The following CEP68 variants were observed in gnomAD, a reference collection of about 807,000 sequenced individuals.
The protein encoded by CEP68 is centrosomal protein 68, also known as centrosomal protein of 68 kDa.
A neutral mutation model predicts 55.3 loss-of-function variants in CEP68; 26 were observed. The ratio of observed to expected loss-of-function variants is 0.47; its 90% CI spans 0.34 to 0.65. The LOEUF (loss-of-function observed/expected upper bound fraction) is 0.65. Ranked by LOEUF, CEP68 falls within the 30% of genes least tolerant of loss-of-function variation. The pLI, the probability that CEP68 is intolerant of heterozygous loss-of-function variation, is 0.01. For synonymous variants in CEP68, 402 were observed against 383.2 expected, an observed-to-expected ratio of 1.05 and a Z score of -0.57; for missense variants, 957 against 946.7, an observed-to-expected ratio of 1.01 and a Z score of -0.14.
At chr2:65,069,320 CTTAA>C (rs1321642440) in intron 1 of CEP68, 75 bp from the exon 2 acceptor site, 1 of 768,474 alleles carries the variant, frequency 1.3e-6, no homozygotes, top group East Asian at 2.6e-5. Context: ...ATATGTTTGC[CTTAA>C]TTGTTAAAGA....
intron 5 of CEP68, chr2:65,080,420 C>T (rs534760260): frequency 4.4e-5 from 43 of 985,260 alleles, no homozygotes; most frequent in Middle Eastern, 5.2e-4. Context: ...CCGCCAGGAG[C>T]ATGCTGTCAA....
Position 65,074,308 on chromosome 2 carries a change from G to C in CEP68, c.1911G>C (p.Leu637=), listed in dbSNP as rs763725759. The change falls in exon 4 of 7, where the codon CTG becomes CTC. Residue 637 remains leucine, a synonymous_variant. Coordinates refer to ENST00000377990, the MANE Select transcript of CEP68 (RefSeq NM_015147.3). ...CATTTTGCTGTCAGCTGGAAGAGCTGATCTGCTGGCTGTATAATGTTGCAG... is the reference window on the plus strand; with the variant it reads ...CATTTTGCTGTCAGCTGGAAGAGCTCATCTGCTGGCTGTATAATGTTGCAG... ...VKTFCCQLEE[L]ICWLYNVADV... is the part of the protein sequence containing the mutation. 2.5e-6 allele frequency: 4 copies of C among 1,614,212 alleles called. No homozygotes were observed. Among genetic ancestry groups the C allele is most frequent in the Non-Finnish European group, 3.4e-6 (4 of 1,180,028 alleles).
intron 1 of CEP68, among the ~76,000 whole-genome samples, chr2:65,067,528 G>C (rs1317958265): frequency 6.6e-6 from 1 of 152,106 alleles, no homozygotes; most frequent in African/African-American, 2.4e-5. Context: ...TTAAAAATGG[G>C]CTGCTTTTTC....
chr2:65,064,461 G>A (rs1458837519), intron 1 of CEP68, among the ~76,000 whole-genome samples: 3 of 152,134 alleles, frequency 2.0e-5, no homozygotes, highest in Non-Finnish European at 4.4e-5. Context: ...GAGGCCGGGC[G>A]TGGTGGCTCA....
chr2:65,071,342 G>C, intron 2 of CEP68, 112 bp from the exon 3 acceptor site: 2 of 868,574 alleles, frequency 2.3e-6, no homozygotes, highest in South Asian at 3.5e-5. Context: ...TGCATTTTAA[G>C]GTCTTTCCTA....
chr2:65,083,385 C>T (rs945568584), intron 6 of CEP68, among the ~76,000 whole-genome samples: 5 of 152,240 alleles, frequency 3.3e-5, no homozygotes, highest in Non-Finnish European at 7.3e-5. Context: ...CACAGAGTTG[C>T]TACTGCCAAT....
chr2:65,075,627 A>G (rs1207271622), intron 4 of CEP68, among the ~76,000 whole-genome samples: 3 of 152,158 alleles, frequency 2.0e-5, no homozygotes, highest in Admixed American at 6.6e-5. Context: ...CCTGAATTGG[A>G]GGATAAATTA....
At chr2:65,075,504 A>C (rs1309622794) in intron 4 of CEP68, among the ~76,000 whole-genome samples, 2 of 152,166 alleles carry the variant, frequency 1.3e-5, no homozygotes, top group Admixed American at 1.3e-4. Flanking sequence ...TGTTATTTTG[A>C]AAATACTAAT....
intron 1 of CEP68, among the ~76,000 whole-genome samples, chr2:65,068,435 G>A (rs1676299790): frequency 6.6e-6 from 1 of 152,174 alleles, no homozygotes; most frequent in Non-Finnish European, 1.5e-5. Context: ...GTGCACACAT[G>A]CTGTGTTACA....
chr2:65,086,272 C>G lies in CEP68; in HGVS notation c.*2638C>G, dbSNP rs1433295044. 1 of 152,212 alleles carries G rather than the reference C, an allele frequency of 6.6e-6. No individual in the cohort carries two copies. Among genetic ancestry groups the G allele is most frequent in the Non-Finnish European group, 1.5e-5 (1 of 68,032 alleles). 9.4% of individuals were successfully genotyped at this position (152,212 alleles called of 1,614,324 possible). The stretch of plus-strand genomic sequence containing the variant: ...GCAGCTGCTTAGATTTAAGAACACT[C>G]TTCTTCACTATGTAAACTAATTTAT... On this transcript the variant is annotated 3_prime_UTR_variant, in exon 7 of 7. Transcript: ENST00000377990.
intron 5 of CEP68, chr2:65,080,172 G>T (rs1676942943): frequency 7.8e-6 from 7 of 892,504 alleles, no homozygotes; most frequent in Non-Finnish European, 8.0e-6. Context: ...CAGGTTTTTT[G>T]ACCTTCATTT....
chr2:65,086,166 A>G lies in CEP68; in HGVS notation c.*2532A>G, dbSNP rs2103812999. 6.6e-6 allele frequency: 1 copy of G among 152,356 alleles called. No individual in the cohort carries two copies. Among genetic ancestry groups the G allele is most frequent in the Middle Eastern group, 3.4e-3 (1 of 294 alleles). 9.4% of individuals were successfully genotyped at this position (152,356 alleles called of 1,614,324 possible). ...GGAAAGGCAAGATGTAGGCTAAGGGAAATTCAATCCAAGGTCGAAGAATAG... is the reference window on the plus strand; with the variant it reads ...GGAAAGGCAAGATGTAGGCTAAGGGGAATTCAATCCAAGGTCGAAGAATAG... On this transcript the variant is annotated 3_prime_UTR_variant, in exon 7 of 7. Transcript: ENST00000377990.
intron 1 of CEP68, 102 bp from the exon 2 acceptor site, chr2:65,069,297 T>A: frequency 1.5e-6 from 1 of 672,774 alleles, no homozygotes; most frequent in Non-Finnish European, 2.4e-6. Flanking sequence ...TTTCCTTTTT[T>A]CTTTGACCAA....
In CEP68 at chr2:65,071,941, T is replaced by C. The variant is rs750998759; in HGVS notation, c.845T>C (p.Leu282Pro). The change falls in exon 3 of 7, where the codon CTG becomes CCG. Residue 282 changes from leucine to proline, a missense_variant. By Grantham distance (98) the Leu-to-Pro change is moderately conservative. Coordinates refer to ENST00000377990, the MANE Select transcript of CEP68 (RefSeq NM_015147.3). The stretch of plus-strand genomic sequence containing the variant: ...TGGGCCTGTGTGCTGCCAGATTCCC[T>C]GCCTCCATCACCCGACCGCCACTCC... The part of the protein sequence containing the change: ...EYWACVLPDS[L>P]PPSPDRHSPL... 1.2e-5 allele frequency: 19 copies of C among 1,612,982 alleles called. No individual in the cohort carries two copies. The highest frequency in any genetic ancestry group is 1.5e-5 in the Non-Finnish European group (18 of 1,179,982).
rs752462154 is a variant in CEP68, at chr2:65,071,820, C to T, written c.724C>T (p.Leu242=). The T allele has an allele frequency of 4.4e-6, 7 of 1,605,232 alleles. No individual in the cohort carries two copies. Among genetic ancestry groups the T allele is most frequent in the Non-Finnish European group, 6.0e-6 (7 of 1,174,736 alleles). ...VPQEPSSVVG[L]GPRPQWSPQP... is the part of the protein sequence containing the mutation. Reference sequence around the variant, plus strand: ...CCAGGAACCTTCCTCTGTGGTGGGGCTAGGACCTCGGCCCCAGTGGTCACC... The same window carrying T: ...CCAGGAACCTTCCTCTGTGGTGGGGTTAGGACCTCGGCCCCAGTGGTCACC... Residue 242 remains leucine (L), a synonymous_variant, in exon 3 of 7, where the codon CTA becomes TTA. Coordinates refer to ENST00000377990, the MANE Select transcript of CEP68 (RefSeq NM_015147.3).
In CEP68 at chr2:65,072,383, G is replaced by A. The variant is rs137906764; in HGVS notation, c.1287G>A (p.Lys429=). The A allele has an allele frequency of 2.5e-6, 4 of 1,613,798 alleles. No homozygotes were observed. Among genetic ancestry groups the A allele is most frequent in the Non-Finnish European group, 3.4e-6 (4 of 1,180,038 alleles). Residue 429 remains lysine, a synonymous_variant, in exon 3 of 7, where the codon AAG becomes AAA. Coordinates refer to ENST00000377990, the MANE Select transcript of CEP68 (RefSeq NM_015147.3). ...RGAKDRLTIG[K]HLDMGSPQLR... Reference sequence around the variant, plus strand: ...CGAAGGACCGGCTGACTATAGGCAAGCACCTTGATATGGGCTCTCCCCAGC... The same window carrying A: ...CGAAGGACCGGCTGACTATAGGCAAACACCTTGATATGGGCTCTCCCCAGC...
chr2:65,073,093 A>G (rs1460397406), intron 3 of CEP68, 113 bp downstream of exon 3: 1 of 1,126,642 alleles, frequency 8.9e-7, no homozygotes, highest in Non-Finnish European at 1.3e-6. Context: ...TTTATGTGCC[A>G]GGCATTGTGC....
At chr2:65,079,525 G>A (rs2103797065) in intron 5 of CEP68, among the ~76,000 whole-genome samples, 1 of 152,318 alleles carries the variant, frequency 6.6e-6, no homozygotes, top group East Asian at 1.9e-4. Context: ...GCAATCCCCT[G>A]CCCTTTTAAG....
intron 1 of CEP68, among the ~76,000 whole-genome samples, chr2:65,063,112 G>A (rs1461276262): frequency 1.3e-5 from 2 of 152,202 alleles, no homozygotes; most frequent in South Asian, 2.1e-4. Flanking sequence ...ATTTGTGGGC[G>A]TATTTTTACT....
Sources: allele counts gnomAD v4.1 joint callset (sites outside exome capture counted in the v4.1 genomes callset), GRCh38; gene constraint gnomAD v4.1.1; transcripts MANE v1.5; gene names NCBI Gene and HGNC (gene_info 2026-07-23, HGNC 2026-07-21).